Variants in GPC5 observed in about 807,000 individuals in gnomAD.
GPC5 encodes glypican 5, also known as glypican-5.
A neutral mutation model predicts 53.9 loss-of-function variants in GPC5; 47 were observed. That is an observed-to-expected ratio of 0.87 (90% confidence interval 0.69 to 1.11). GPC5 has a LOEUF of 1.11. Among genes scored for constraint, GPC5 ranks in the 50% most tolerant of loss-of-function variants. GPC5 has a pLI of 0.00. For missense variants in GPC5, 748 were observed against 713.1 expected (o/e 1.05, Z -0.56); for synonymous variants, 286 against 263.3 (o/e 1.09, Z -0.84).
At chr13:91,996,915 T>C (rs9589391) in intron 6 of GPC5, among the ~76,000 whole-genome samples, 5,461 of 152,214 alleles carry the variant, frequency 0.036, 271 homozygotes, top group African/African-American at 0.11. Flanking sequence ...TATTGTATCA[T>C]ACAAATATAA....
At chr13:91,601,514 C>T (rs931494527) in intron 2 of GPC5, among the ~76,000 whole-genome samples, 9 of 152,106 alleles carry the variant, frequency 5.9e-5, no homozygotes, top group Middle Eastern at 3.2e-3. Flanking sequence ...AAGAGATGAG[C>T]GGCAGGTGAG....
chr13:91,879,270 G>A (rs1238812285), intron 5 of GPC5, among the ~76,000 whole-genome samples: 1 of 152,268 alleles, frequency 6.6e-6, no homozygotes, highest in Non-Finnish European at 1.5e-5. Context: ...GAACTAAATA[G>A]TAAAAGTGTG....
chr13:92,811,565 G>C (rs1478387956), intron 7 of GPC5, among the ~76,000 whole-genome samples: 1 of 151,484 alleles, frequency 6.6e-6, no homozygotes, highest in South Asian at 2.1e-4. Context: ...CCACTCCATA[G>C]GTTGCCTTTT....
chr13:92,771,086 G>A (rs533760824), intron 7 of GPC5, among the ~76,000 whole-genome samples: 1 of 152,202 alleles, frequency 6.6e-6, no homozygotes, highest in South Asian at 2.1e-4. Context: ...CTGCCGAGTG[G>A]GTGGGGGCTG....
chr13:92,341,403 A>AT (rs1321226725), intron 7 of GPC5, among the ~76,000 whole-genome samples: 1 of 152,068 alleles, frequency 6.6e-6, no homozygotes, highest in African/African-American at 2.4e-5. Context: ...AGACACAAAG[A>AT]TTTTTTTAAA....
At chr13:92,740,960 G>GTATATA (rs1555308306) in intron 7 of GPC5, among the ~76,000 whole-genome samples, 2 of 117,698 alleles carry the variant, frequency 1.7e-5, no homozygotes, top group South Asian at 5.1e-4. Flanking sequence ...ATATGTATGT[G>GTATATA]TATATATATA....
intron 7 of GPC5, among the ~76,000 whole-genome samples, chr13:92,586,252 T>C (rs970523114): frequency 1.2e-4 from 19 of 152,118 alleles, no homozygotes; most frequent in African/African-American, 4.6e-4. Flanking sequence ...AATTCTGAAG[T>C]GAAGAGTGAA....
At chr13:91,891,234 A>G (rs575834049) in intron 5 of GPC5, among the ~76,000 whole-genome samples, 1 of 152,256 alleles carries the variant, frequency 6.6e-6, no homozygotes, top group Admixed American at 6.5e-5. Flanking sequence ...TTCTGTCTAC[A>G]TTGATCACAT....
At chr13:92,663,706 A>G (rs181182849) in intron 7 of GPC5, among the ~76,000 whole-genome samples, 151 of 140,178 alleles carry the variant, frequency 1.1e-3, no homozygotes, top group African/African-American at 3.8e-3. Flanking sequence ...TATATTATAT[A>G]TCTACTATAT....
intron 7 of GPC5, among the ~76,000 whole-genome samples, chr13:92,786,585 T>G (rs1876240424): frequency 6.6e-6 from 1 of 152,146 alleles, no homozygotes; most frequent in African/African-American, 2.4e-5. Flanking sequence ...ACTAGAAACT[T>G]TGGCAAAATC....
chr13:92,576,953 G>T (rs1356480236), intron 7 of GPC5, among the ~76,000 whole-genome samples: 3 of 152,058 alleles, frequency 2.0e-5, no homozygotes, highest in Non-Finnish European at 4.4e-5. Context: ...TTTGTATCCT[G>T]CAATGAGTAC....
chr13:91,473,592 A>G (rs1375830617), intron 2 of GPC5, among the ~76,000 whole-genome samples: 1 of 152,152 alleles, frequency 6.6e-6, no homozygotes, highest in Non-Finnish European at 1.5e-5. Context: ...ACCTTACTGT[A>G]AGCTTCAGTT....
chr13:91,499,732 GA>G (rs1306916648), intron 2 of GPC5, among the ~76,000 whole-genome samples: 2 of 152,124 alleles, frequency 1.3e-5, no homozygotes, highest in African/African-American at 4.8e-5. Flanking sequence ...ACCTTTCAGA[GA>G]CAGCCTGATC....
intron 7 of GPC5, among the ~76,000 whole-genome samples, chr13:92,601,687 A>G (rs1226991078): frequency 6.6e-6 from 1 of 152,104 alleles, no homozygotes; most frequent in Non-Finnish European, 1.5e-5. Context: ...TGAAAAAGAA[A>G]ATATAATAAA....
intron 7 of GPC5, among the ~76,000 whole-genome samples, chr13:92,766,977 A>G (rs1306682657): frequency 1.3e-5 from 2 of 152,198 alleles, no homozygotes; most frequent in African/African-American, 2.4e-5. Context: ...GTATTTCCTC[A>G]AAAGTGTGCA....
intron 2 of GPC5, among the ~76,000 whole-genome samples, chr13:91,543,240 G>T (rs938965777): frequency 1.3e-5 from 2 of 151,814 alleles, no homozygotes; most frequent in Non-Finnish European, 2.9e-5. Context: ...TGATCCATGC[G>T]CCTTGGCCTC....
intron 7 of GPC5, among the ~76,000 whole-genome samples, chr13:92,310,379 C>G (rs1566532225): frequency 1.3e-5 from 2 of 152,230 alleles, no homozygotes; most frequent in East Asian, 3.9e-4. Flanking sequence ...TGTATTGACT[C>G]TTTCATCATA....
chr13:92,372,170 G>A (rs1355093499), intron 7 of GPC5, among the ~76,000 whole-genome samples: 2 of 152,130 alleles, frequency 1.3e-5, no homozygotes, highest in Non-Finnish European at 2.9e-5. Flanking sequence ...ACCTAGCAGA[G>A]GCCTCTGTAC....
intron 5 of GPC5, among the ~76,000 whole-genome samples, chr13:91,857,541 A>C (rs1594621265): frequency 2.0e-5 from 3 of 150,986 alleles, no homozygotes; most frequent in African/African-American, 7.2e-5. Context: ...TTTTATACAC[A>C]AATGATTTTG....
Sources: gnomAD v4.1 joint callset for allele counts (sites outside exome capture counted in the v4.1 genomes callset) on GRCh38, gnomAD v4.1.1 for gene constraint, MANE v1.5 for transcripts, NCBI Gene and HGNC (gene_info 2026-07-23, HGNC 2026-07-21) for gene names.